ROBO1: variants seen among roughly 807,000 people sequenced by gnomAD.
ROBO1 encodes the protein roundabout guidance receptor 1, also known as roundabout homolog 1.
ROBO1 carries 149 observed loss-of-function variants against 195.9 expected under a neutral mutation model. The observed-to-expected ratio is 0.76, with a 90% CI of 0.67 to 0.87. The LOEUF is 0.87. Among genes scored for constraint, ROBO1 ranks in the 40% least tolerant of loss-of-function variants. ROBO1 has a pLI of 0.00. For missense variants in ROBO1, 1,933 were observed against 2,068.3 expected (o/e 0.93, Z 1.27); for synonymous variants, 816 against 733.2 (o/e 1.11, Z -1.82).
chr3:79,212,603 T>G (rs573111989), intron 2 of ROBO1, among the ~76,000 whole-genome samples: 1 of 152,174 alleles, frequency 6.6e-6, no homozygotes, highest in Admixed American at 6.5e-5. Flanking sequence ...GCAGATCACT[T>G]GAGGCCAGGA....
intron 1 of ROBO1, among the ~76,000 whole-genome samples, chr3:79,674,828 G>A (rs1489532083): frequency 1.3e-4 from 5 of 37,662 alleles, no homozygotes; most frequent in African/African-American, 6.7e-4. Flanking sequence ...ATTTATATCC[G>A]TGTGTGTGTG....
intron 4 of ROBO1, among the ~76,000 whole-genome samples, chr3:78,885,920 T>TATATATATATATATATATATATATAC (rs2036536143): frequency 7.0e-6 from 1 of 143,308 alleles, no homozygotes; most frequent in Non-Finnish European, 1.5e-5. Flanking sequence ...TATATATATA[T>TATATATATATATATATATATATATAC]ATATATATAT....
intron 2 of ROBO1, among the ~76,000 whole-genome samples, chr3:79,321,971 T>G (rs1209737312): frequency 6.6e-6 from 1 of 152,194 alleles, no homozygotes; most frequent in Non-Finnish European, 1.5e-5. Flanking sequence ...AATTTCTGAT[T>G]CAGCATAATT....
At chr3:78,702,276 T>A (rs2081438364) in intron 8 of ROBO1, among the ~76,000 whole-genome samples, 1 of 152,152 alleles carries the variant, frequency 6.6e-6, no homozygotes, top group South Asian at 2.1e-4. Flanking sequence ...AAGCAAATAA[T>A]AAAAAATATC....
intron 4 of ROBO1, among the ~76,000 whole-genome samples, chr3:78,778,696 G>T (rs1475772948): frequency 6.6e-6 from 1 of 152,142 alleles, no homozygotes; most frequent in Admixed American, 6.6e-5. Flanking sequence ...AATGCCTAAA[G>T]TAATTTATAG....
chr3:79,365,863 C>G (rs1210012026), intron 2 of ROBO1, among the ~76,000 whole-genome samples: 2 of 149,430 alleles, frequency 1.3e-5, no homozygotes, highest in African/African-American at 5.0e-5. Flanking sequence ...CGCCACTGCA[C>G]TCCAGCCTGG....
At chr3:78,678,879 G>T (rs1025186020) in intron 10 of ROBO1, among the ~76,000 whole-genome samples, 1 of 151,916 alleles carries the variant, frequency 6.6e-6, no homozygotes. Flanking sequence ...CCAAAAAAGA[G>T]AATTTTAGAC....
intron 7 of ROBO1, among the ~76,000 whole-genome samples, chr3:78,716,376 C>A (rs1256088924): frequency 4.6e-5 from 7 of 151,902 alleles, no homozygotes. Flanking sequence ...CACAGGGCGA[C>A]AGGAGAGAGA....
At chr3:78,770,806 CT>C in intron 4 of ROBO1, among the ~76,000 whole-genome samples, 1 of 152,182 alleles carries the variant, frequency 6.6e-6, no homozygotes, top group Middle Eastern at 3.4e-3. Context: ...TGGCTGATAC[CT>C]GTGATTCCAC....
intron 3 of ROBO1, among the ~76,000 whole-genome samples, chr3:78,967,971 T>C (rs917910375): frequency 2.0e-5 from 3 of 152,218 alleles, no homozygotes; most frequent in African/African-American, 7.2e-5. Context: ...GCAAGTCATT[T>C]TGAGATTAGA....
At chr3:78,661,384 CAAGAA>C in intron 15 of ROBO1, 123 bp from the exon 16 acceptor site, 2 of 517,600 alleles carry the variant, frequency 3.9e-6, no homozygotes, top group Non-Finnish European at 6.4e-6. Context: ...CATTCTTACA[CAAGAA>C]ATGTGTAAGA....
intron 2 of ROBO1, among the ~76,000 whole-genome samples, chr3:79,187,080 A>T (rs1334150194): frequency 6.6e-6 from 1 of 152,100 alleles, no homozygotes; most frequent in African/African-American, 2.4e-5. Context: ...CTGTCTTCAG[A>T]TTAGAAGAGA....
At chr3:79,680,843 T>C (rs1247619811) in intron 1 of ROBO1, among the ~76,000 whole-genome samples, 3 of 151,412 alleles carry the variant, frequency 2.0e-5, no homozygotes, top group East Asian at 3.9e-4. Flanking sequence ...CTCTAGGAGG[T>C]GGGGGGTCAA....
rs201315470 is a variant in ROBO1, at chr3:79,433,750, C to A, written c.88+156074G>T. On this transcript the variant is annotated intron_variant, in intron 2 of 30. Transcript: ENST00000464233. ...AAAGAGCCCACATTGCCAAGACAAC[C>A]CTAAGCCAAAAGAACAAAGCTGGAG... is the stretch of plus-strand genomic sequence containing the variant. Among the ~76,000 whole-genome samples, 108 of 152,266 alleles carry A rather than the reference C, an allele frequency of 7.1e-4. No homozygotes were observed. In the East Asian group the frequency reaches 0.015, roughly 21 times the overall value.
chr3:78,854,307 TATA>T (rs2034267316), intron 4 of ROBO1, among the ~76,000 whole-genome samples: 1 of 146,680 alleles, frequency 6.8e-6, no homozygotes, highest in African/African-American at 2.5e-5. Context: ...AAACTATAAA[TATA>T]ATTTTTATTA....
rs199931927 is a variant in ROBO1, at chr3:78,602,571, T to TA, written c.4745-2263dup. 5.4e-3 allele frequency among the ~76,000 whole-genome samples: 818 copies of TA among 152,334 alleles called. 6 individuals are homozygous for TA. The highest frequency in any genetic ancestry group is 0.019 in the African/African-American group (772 of 41,584). ...TGATTTTACCCAGTCTCACAGATTATAACCCTTTCTAAAATATAACTGTCA... is the reference window on the plus strand; with the variant it reads ...TGATTTTACCCAGTCTCACAGATTATAAACCCTTTCTAAAATATAACTGTCA... On this transcript the variant is annotated intron_variant, in intron 29 of 30. Transcript: ENST00000464233.
intron 3 of ROBO1, among the ~76,000 whole-genome samples, chr3:79,035,280 A>G (rs1428097754): frequency 6.6e-6 from 1 of 152,058 alleles, no homozygotes; most frequent in African/African-American, 2.4e-5. Context: ...TTACTTTCCT[A>G]TTTTTGCAGT....
At chr3:79,301,086 C>A (rs1157684549) in intron 2 of ROBO1, among the ~76,000 whole-genome samples, 1 of 152,110 alleles carries the variant, frequency 6.6e-6, no homozygotes, top group Non-Finnish European at 1.5e-5. Flanking sequence ...AAGCTTTGTT[C>A]TTTCGCTCTT....
intron 1 of ROBO1, among the ~76,000 whole-genome samples, chr3:79,691,990 C>G (rs1055542606): frequency 1.3e-5 from 2 of 151,696 alleles, no homozygotes; most frequent in Non-Finnish European, 2.9e-5. Context: ...GTGTGAGAAA[C>G]AGACATAATT....
Sources: allele counts gnomAD v4.1 joint callset (sites outside exome capture counted in the v4.1 genomes callset), GRCh38; gene constraint gnomAD v4.1.1; transcripts MANE v1.5; gene names NCBI Gene and HGNC (gene_info 2026-07-23, HGNC 2026-07-21).